Variants in ALCAM observed in about 807,000 individuals in gnomAD.
The protein encoded by ALCAM is CD166 antigen.
A neutral mutation model predicts 70.9 loss-of-function variants in ALCAM; 30 were observed. The ratio of observed to expected loss-of-function variants is 0.42; its 90% confidence interval spans 0.32 to 0.57. The LOEUF is 0.57. ALCAM is among the 20% of genes least tolerant of loss of function. The pLI, the probability that ALCAM is intolerant of heterozygous loss-of-function variation, is 0.11. For synonymous variants in ALCAM, 249 were observed against 242.5 expected (o/e 1.03, Z -0.25); for missense variants, 591 against 695.1 (o/e 0.85, Z 1.68).
intron 1 of ALCAM, among the ~76,000 whole-genome samples, chr3:105,447,420 C>T (rs1250284845): frequency 1.3e-5 from 2 of 152,124 alleles, no homozygotes; most frequent in African/African-American, 2.4e-5. Context: ...GAAGCTAAGA[C>T]AGATACTGTG....
At chr3:105,568,647 C>T (rs1940796357) in intron 14 of ALCAM, among the ~76,000 whole-genome samples, 1 of 152,218 alleles carries the variant, frequency 6.6e-6, no homozygotes, top group South Asian at 2.1e-4. Flanking sequence ...ATTCTTGCCA[C>T]CCTGTGGCTG....
chr3:105,386,714 A>C (rs535649812), intron 1 of ALCAM, among the ~76,000 whole-genome samples: 2 of 151,406 alleles, frequency 1.3e-5, no homozygotes, highest in Non-Finnish European at 3.0e-5. Flanking sequence ...AGGTTTTTTC[A>C]TTTAAAATTA....
Position 105,409,163 on chromosome 3 carries a change from G to T in ALCAM, c.73+41682G>T, listed in dbSNP as rs187404417. On this transcript the variant is annotated intron_variant, in intron 1 of 15. Coordinates refer to ENST00000306107, the MANE Select transcript of ALCAM (RefSeq NM_001627.4). The stretch of plus-strand genomic sequence containing the variant: ...GGAGATTCCTTAAAAACTAAAAGTA[G>T]ATCTACTATTTGATCCAGCAATCCC... Among the ~76,000 whole-genome samples, 390 of 152,122 alleles carry T rather than the reference G, an allele frequency of 2.6e-3. 1 individual carries two copies. Among genetic ancestry groups the T allele is most frequent in the African/African-American group, 8.8e-3 (366 of 41,522 alleles).
chr3:105,416,358 A>G (rs1385340747), intron 1 of ALCAM, among the ~76,000 whole-genome samples: 1 of 152,030 alleles, frequency 6.6e-6, no homozygotes, highest in African/African-American at 2.4e-5. Flanking sequence ...CATTCCAGCT[A>G]TGTGATATTG....
chr3:105,456,351 A>G (rs1937535266), intron 1 of ALCAM, among the ~76,000 whole-genome samples: 1 of 152,234 alleles, frequency 6.6e-6, no homozygotes, highest in Non-Finnish European at 1.5e-5. Context: ...CTGCATCAGA[A>G]TGGCTTCAAA....
chr3:105,428,516 A>G (rs1376534166), intron 1 of ALCAM, among the ~76,000 whole-genome samples: 1 of 151,858 alleles, frequency 6.6e-6, no homozygotes, highest in Non-Finnish European at 1.5e-5. Context: ...GTACAATACT[A>G]TTATTTAATT....
At chr3:105,429,222 A>G (rs1180292899) in intron 1 of ALCAM, among the ~76,000 whole-genome samples, 2 of 151,978 alleles carry the variant, frequency 1.3e-5, no homozygotes, top group Admixed American at 1.3e-4. Context: ...ACTCAGAATA[A>G]AAGCATCTGC....
intron 1 of ALCAM, among the ~76,000 whole-genome samples, chr3:105,470,235 C>A (rs1385659869): frequency 6.7e-6 from 1 of 150,180 alleles, no homozygotes; most frequent in Non-Finnish European, 1.5e-5. Flanking sequence ...CGTCTGTCTA[C>A]AATTTTTACT....
intron 1 of ALCAM, among the ~76,000 whole-genome samples, chr3:105,420,265 TA>T (rs1398026941): frequency 6.6e-6 from 1 of 151,532 alleles, no homozygotes; most frequent in Non-Finnish European, 1.5e-5. Context: ...ACACCTTTAT[TA>T]AAAAAATGGT....
At chr3:105,372,898 C>T (rs1257616726) in intron 1 of ALCAM, among the ~76,000 whole-genome samples, 1 of 152,058 alleles carries the variant, frequency 6.6e-6, no homozygotes, top group Admixed American at 6.6e-5. Context: ...ATATTATAGA[C>T]CCTTGATGTT....
At chr3:105,423,704 C>A (rs1936725555) in intron 1 of ALCAM, among the ~76,000 whole-genome samples, 1 of 151,590 alleles carries the variant, frequency 6.6e-6, no homozygotes, top group African/African-American at 2.4e-5. Flanking sequence ...TCATTTTATT[C>A]TACAAATTGA....
chr3:105,473,517 A>C (rs1185759279), intron 1 of ALCAM, among the ~76,000 whole-genome samples: 1 of 151,486 alleles, frequency 6.6e-6, no homozygotes, highest in African/African-American at 2.4e-5. Flanking sequence ...AACCTCTATA[A>C]ATCCAGCTAT....
At chr3:105,549,407 A>C (rs1437492970) in intron 11 of ALCAM, among the ~76,000 whole-genome samples, 2 of 151,514 alleles carry the variant, frequency 1.3e-5, no homozygotes, top group Non-Finnish European at 3.0e-5. Flanking sequence ...ACAATATAGA[A>C]AGAGAAAAAT....
chr3:105,441,053 T>G (rs904993313), intron 1 of ALCAM, among the ~76,000 whole-genome samples: 3 of 152,208 alleles, frequency 2.0e-5, no homozygotes, highest in Non-Finnish European at 2.9e-5. Context: ...CAAGAATGCC[T>G]GAGCTAATGT....
intron 14 of ALCAM, among the ~76,000 whole-genome samples, chr3:105,566,738 T>A (rs1480022049): frequency 6.6e-6 from 1 of 152,170 alleles, no homozygotes. Context: ...GTCACATCTG[T>A]TTTATCTGCA....
At chr3:105,396,351 G>A (rs1395801040) in intron 1 of ALCAM, among the ~76,000 whole-genome samples, 2 of 151,838 alleles carry the variant, frequency 1.3e-5, no homozygotes, top group Non-Finnish European at 2.9e-5. Flanking sequence ...CTTTGAAATA[G>A]AAGAGACCTG....
chr3:105,541,475 C>A (rs1940113980), intron 7 of ALCAM, among the ~76,000 whole-genome samples, 158 bp from the exon 8 acceptor site: 1 of 151,964 alleles, frequency 6.6e-6, no homozygotes, highest in South Asian at 2.1e-4. Flanking sequence ...GCCCAGGAAT[C>A]AGATATTGGT....
chr3:105,452,368 C>T (rs1937449976), intron 1 of ALCAM, among the ~76,000 whole-genome samples: 1 of 152,156 alleles, frequency 6.6e-6, no homozygotes, highest in Non-Finnish European at 1.5e-5. Flanking sequence ...ATGATGGCTT[C>T]CAGCTTCATC....
chr3:105,521,891 T>C (rs980667020), intron 2 of ALCAM, among the ~76,000 whole-genome samples: 6 of 152,216 alleles, frequency 3.9e-5, no homozygotes, highest in Non-Finnish European at 7.3e-5. Context: ...GAACTATTTC[T>C]GGTTTCCTAT....
Sources: gnomAD v4.1 joint callset for allele counts (sites outside exome capture counted in the v4.1 genomes callset) on GRCh38, gnomAD v4.1.1 for gene constraint, MANE v1.5 for transcripts, NCBI Gene and HGNC (gene_info 2026-07-23, HGNC 2026-07-21) for gene names.